Variants in PLA2G4B observed in about 807,000 individuals in gnomAD.
The protein encoded by PLA2G4B is phospholipase A2 group IVB, also known as cytosolic phospholipase A2 beta.
A neutral mutation model predicts 95.8 loss-of-function variants in PLA2G4B; 122 were observed. The ratio of observed to expected loss-of-function variants is 1.27; its 90% CI spans 1.10 to 1.48. The LOEUF (loss-of-function observed/expected upper bound fraction) is 1.48, where lower values mean the gene tolerates loss of function less well. PLA2G4B is among the 40% of genes most tolerant of loss of function. The pLI is 0.00. For missense variants in PLA2G4B, 1,158 were observed against 996.2 expected (o/e 1.16, Z -2.19); for synonymous variants, 518 against 421.5 (o/e 1.23, Z -2.80).
chr15:41,843,819 G>A lies in PLA2G4B; in HGVS notation c.879+8G>A. The A allele has an allele frequency of 6.2e-7, 1 of 1,612,756 alleles. No homozygotes were observed. Among genetic ancestry groups the A allele is most frequent in the Non-Finnish European group, 8.5e-7 (1 of 1,179,048 alleles). ...GACCTGCAGGAGGATGAGGTTTGGG[G>A]GCTGGGCTGGATGGGGTGTCCCCGG... On this transcript the variant is annotated splice_region_variant and intron_variant, in intron 11 of 19. Coordinates refer to ENST00000458483, the MANE Select transcript of PLA2G4B (RefSeq NM_001114633.2).
rs1177936165 is a variant in PLA2G4B at position 41,847,385 on chromosome 15, C to G, written c.1996C>G (p.Pro666Ala). Residue 666 changes from proline (P) to alanine (A), a missense_variant, in exon 19 of 20, where the codon CCA becomes GCA. Pro to Ala is a conservative substitution (Grantham distance 27). Transcript: ENST00000458483. ...RFCQEQGIPF[P>A]PISPSPEEQL... ...CTGCCAGGAGCAGGGGATCCCGTTC[C>G]CACCCATCTCGCCCAGCCCCGAAGA... 1 of 1,612,126 alleles carries G rather than the reference C, an allele frequency of 6.2e-7. No individual in the cohort carries two copies. The highest frequency in any genetic ancestry group is 1.6e-4 in the Middle Eastern group (1 of 6,062).
Position 41,845,000 on chromosome 15 carries a change from C to T in PLA2G4B, c.1169C>T (p.Ala390Val). 1.2e-6 allele frequency: 2 copies of T among 1,606,688 alleles called. No individual in the cohort carries two copies. Among genetic ancestry groups the T allele is most frequent in the East Asian group, 2.2e-5 (1 of 44,490 alleles). ...TACCGGCAGGAGCTGGCCGAGCGTG[C>T]CCGCTTGGGCTACCCAAGCTGCTTC... ...QRYRQELAER[A>V]RLGYPSCFTN... The change falls in exon 13 of 20, where the codon GCC becomes GTC. Residue 390 changes from alanine to valine, a missense_variant. Transcript: ENST00000458483.
rs1414803597 is a variant in PLA2G4B at position 41,840,216 on chromosome 15, C to G, written c.68C>G (p.Pro23Arg). Reference protein sequence around the residue: ...TVRVLQAHRLPSKDLVTPSDC... With the variant: ...TVRVLQAHRLRSKDLVTPSDC... ...CGTGTCCTGCAGGCCCATCGCCTAC[C>G]CTCTAAGGACCTAGGTGAGTGCGCA... Residue 23 changes from proline to arginine, a missense_variant, in exon 2 of 20, where the codon CCC becomes CGC. Physicochemically the swap from Pro to Arg is moderately radical, Grantham distance 103. Coordinates refer to ENST00000458483, the MANE Select transcript of PLA2G4B (RefSeq NM_001114633.2). 1 of 1,613,046 alleles carries G rather than the reference C, an allele frequency of 6.2e-7. No homozygotes were observed. The highest frequency in any genetic ancestry group is 1.3e-5 in the African/African-American group (1 of 74,916).
At chr15:41,847,238 T>C in intron 18 of PLA2G4B, 99 bp from the exon 19 acceptor site, 1 of 1,487,708 alleles carries the variant, frequency 6.7e-7, no homozygotes, top group Non-Finnish European at 8.9e-7. Context: ...GAGACCGTTT[T>C]GGCATTTGAG....
chr15:41,841,364 C>T, intron 6 of PLA2G4B, 91 bp downstream of exon 6: 1 of 1,609,242 alleles, frequency 6.2e-7, no homozygotes, highest in South Asian at 1.1e-5. Context: ...GCTGCCTCAG[C>T]CTGGGGACCC....
chr15:41,845,590 G>A, intron 14 of PLA2G4B, 48 bp from the exon 15 acceptor site: 8 of 1,609,394 alleles, frequency 5.0e-6, no homozygotes, highest in Non-Finnish European at 6.8e-6. Context: ...GGGGGTGTGG[G>A]TGCCTAAGGG....
rs2065477752 is a variant in PLA2G4B at position 41,843,666 on chromosome 15, C to T, written c.744-10C>T. On this transcript the variant is annotated splice_polypyrimidine_tract_variant and intron_variant, in intron 10 of 19. Coordinates refer to ENST00000458483, the MANE Select transcript of PLA2G4B (RefSeq NM_001114633.2). ...AGAGCTGTCTCACAGTCTCTTCCTT[C>T]CCCGGCCAGACTGAGGGAGCTGGCC... 1.9e-6 allele frequency: 3 copies of T among 1,612,492 alleles called. No individual in the cohort carries two copies. Among genetic ancestry groups the T allele is most frequent in the Non-Finnish European group, 2.5e-6 (3 of 1,179,066 alleles).
Position 41,847,559 on chromosome 15 carries a change from A to T in PLA2G4B, c.2134+36A>T. 1.9e-6 allele frequency: 3 copies of T among 1,604,134 alleles called. No individual in the cohort carries two copies. The African/African-American group carries it at 4.0e-5, about 21-fold the overall frequency. ...GTTCACCTCCCCATCCTGCTGCCCC[A>T]GTCCCCCACACCTCCTCCGTCCCCT... On this transcript the variant is annotated intron_variant, in intron 19 of 19. Coordinates refer to ENST00000458483, the MANE Select transcript of PLA2G4B (RefSeq NM_001114633.2).
At position 41,844,896 on chromosome 15, in the gene PLA2G4B, G is replaced by T; in HGVS notation, c.1065G>T (p.Leu355=). The T allele has an allele frequency of 6.2e-7, 1 of 1,611,624 alleles. No individual in the cohort carries two copies. The highest frequency in any genetic ancestry group is 1.1e-5 in the South Asian group (1 of 90,302). Residue 355 remains leucine, a synonymous_variant, in exon 13 of 20, where the codon CTG becomes CTT. Transcript: ENST00000458483. ...ACCCAGAGTGGTCTCAGAAGGACCTGGCAGGGCCCACTGAGTTGCTGAAGA... is the reference window on the plus strand; with the variant it reads ...ACCCAGAGTGGTCTCAGAAGGACCTTGCAGGGCCCACTGAGTTGCTGAAGA... ...YEDPEWSQKD[L]AGPTELLKTQ...
In PLA2G4B at chr15:41,847,724, C is replaced by G. The variant is rs747669035; in HGVS notation, c.2210C>G (p.Thr737Arg). 6 of 1,613,726 alleles carry G rather than the reference C, an allele frequency of 3.7e-6. No homozygotes were observed. Among genetic ancestry groups the G allele is most frequent in the East Asian group, 4.5e-5 (2 of 44,884 alleles). Residue 737 changes from threonine (T) to arginine (R), a missense_variant, in exon 20 of 20, where the codon ACG (threonine) becomes AGG (arginine). Thr to Arg is a moderately conservative substitution (Grantham distance 71). Transcript: ENST00000458483. ...TCATCGGACTCTCCCTACCACTACA[C>G]GAAGGTGACCTACAGCCAGGAGGAC... Reference protein sequence around the residue: ...LSSSDSPYHYTKVTYSQEDVD... With the variant: ...LSSSDSPYHYRKVTYSQEDVD...
chr15:41,840,758 C>T lies in PLA2G4B; in HGVS notation c.220-16C>T, dbSNP rs376423786. On this transcript the variant is annotated splice_polypyrimidine_tract_variant and intron_variant, in intron 3 of 19. Coordinates refer to ENST00000458483, the MANE Select transcript of PLA2G4B (RefSeq NM_001114633.2). ...TCCCCTCCCTCCTGCAGCCCTGTCA[C>T]TCTTTTCCCCTCCAGAATGTCATGG... 4.3e-6 allele frequency: 7 copies of T among 1,612,770 alleles called. No individual in the cohort carries two copies. Among genetic ancestry groups the T allele is most frequent in the East Asian group, 4.5e-5 (2 of 44,860 alleles).
At chr15:41,843,102 A>ATGGAG (rs145665675) in intron 10 of PLA2G4B, 36,549 of 125,258 alleles carry the variant, frequency 0.29, 5,953 homozygotes, top group Admixed American at 0.4. Context: ...TTTTTTTGAG[A>ATGGAG]TGGAGTCTCT....
intron 9 of PLA2G4B, 64 bp downstream of exon 9, chr15:41,842,340 G>C: frequency 6.3e-7 from 1 of 1,599,860 alleles, no homozygotes; most frequent in Non-Finnish European, 8.5e-7. Context: ...GCCACAAAGG[G>C]AGGGGCCTGC....
rs1449310888 is a variant in PLA2G4B, at chr15:41,846,250, G to T, written c.1648G>T (p.Ala550Ser). 6.2e-7 allele frequency: 1 copy of T among 1,614,068 alleles called. No homozygotes were observed. The highest frequency in any genetic ancestry group is 1.1e-5 in the South Asian group (1 of 91,072). The change falls in exon 17 of 20, where the codon GCC becomes TCC. Residue 550 changes from alanine (A) to serine (S), a missense_variant. Ala to Ser is a moderately conservative substitution (Grantham distance 99). Transcript: ENST00000458483. ...LLKIEEPPST[A>S]GRIAEFFTDL... ...GAAGATAGAAGAACCACCCTCAACA[G>T]CCGGCAGGATAGCTGAGTTTTTCAC...
Position 41,847,777 on chromosome 15 carries a change from T to G in PLA2G4B, c.2263T>G (p.Tyr755Asp), listed in dbSNP as rs762012927. ...GGACAAGCTGCTGCACCTGACACATTACAATGTCTGCAACAACCAGGAGCA... is the reference window on the plus strand; with the variant it reads ...GGACAAGCTGCTGCACCTGACACATGACAATGTCTGCAACAACCAGGAGCA... Reference protein sequence around the residue: ...DVDKLLHLTHYNVCNNQEQLL... With the variant: ...DVDKLLHLTHDNVCNNQEQLL... The change falls in exon 20 of 20, where the codon TAC (tyrosine) becomes GAC (aspartate). Residue 755 changes from tyrosine (Y) to aspartate (D), a missense_variant. Tyr to Asp is a radical substitution (Grantham distance 160). Transcript: ENST00000458483. The G allele has an allele frequency of 3.1e-6, 5 of 1,609,762 alleles. No homozygotes were observed. The highest frequency in any genetic ancestry group is 1.4e-5 in the African/African-American group (1 of 71,442).
In PLA2G4B at chr15:41,843,381, G is replaced by T. The variant is rs191819967; in HGVS notation, c.744-295G>T. Among the ~76,000 whole-genome samples the T allele has an allele frequency of 8.0e-3, 1,220 of 152,136 alleles. 14 individuals carry two copies. The highest frequency in any genetic ancestry group is 0.032 in the South Asian group (153 of 4,830). ...AAGGGACAGAACACGAGACTTGGAG[G>T]GGGGGGATCTATGGTATGGGGCCTG... On this transcript the variant is annotated intron_variant, in intron 10 of 19. Coordinates refer to ENST00000458483, the MANE Select transcript of PLA2G4B (RefSeq NM_001114633.2).
At chr15:41,844,425 T>C in intron 11 of PLA2G4B, 46 bp from the exon 12 acceptor site, 1 of 1,612,738 alleles carries the variant, frequency 6.2e-7, no homozygotes. Context: ...GACTTGGCCT[T>C]CCCCATCCCT....
Position 41,840,887 on chromosome 15 carries a change from C to T in PLA2G4B, c.333C>T (p.Ser111=). ...GGGCTGGGGAGTTCCGGCGCGAGAGCTTCTCACTGAGCCCTCAGGCAAGGC... is the reference window on the plus strand; with the variant it reads ...GGGCTGGGGAGTTCCGGCGCGAGAGTTTCTCACTGAGCCCTCAGGCAAGGC... ...TLRAGEFRRE[S]FSLSPQGEGR... Residue 111 remains serine, a synonymous_variant, in exon 4 of 20, where the codon AGC becomes AGT. Coordinates refer to ENST00000458483, the MANE Select transcript of PLA2G4B (RefSeq NM_001114633.2). 2 of 1,613,506 alleles carry T rather than the reference C, an allele frequency of 1.2e-6. No individual in the cohort carries two copies. The highest frequency in any genetic ancestry group is 1.7e-6 in the Non-Finnish European group (2 of 1,179,552).
Position 41,843,706 on chromosome 15 carries a change from C to A in PLA2G4B, c.774C>A (p.Phe258Leu), listed in dbSNP as rs370671042. 1 of 1,613,896 alleles carries A rather than the reference C, an allele frequency of 6.2e-7. No homozygotes were observed. Among genetic ancestry groups the A allele is most frequent in the Non-Finnish European group, 8.5e-7 (1 of 1,179,948 alleles). Residue 258 changes from phenylalanine to leucine, a missense_variant, in exon 11 of 20, where the codon TTC becomes TTA. By Grantham distance (22) the Phe-to-Leu change is conservative (BLOSUM62 0). Coordinates refer to ENST00000458483, the MANE Select transcript of PLA2G4B (RefSeq NM_001114633.2). ...GLRELAVRLG[F>L]GPCAEEQAFL... ...GGGAGCTGGCCGTGCGACTGGGCTT[C>A]GGGCCCTGTGCAGAGGAGCAGGCCT... is the stretch of plus-strand genomic sequence containing the variant.
Sources: gnomAD v4.1 joint callset for allele counts (sites outside exome capture counted in the v4.1 genomes callset) on GRCh38, gnomAD v4.1.1 for gene constraint, MANE v1.5 for transcripts, NCBI Gene and HGNC (gene_info 2026-07-23, HGNC 2026-07-21) for gene names.